The following C3orf52 variants were observed in gnomAD, a reference collection of about 807,000 sequenced individuals.
C3orf52 encodes chromosome 3 open reading frame 52.
A neutral mutation model predicts 24.8 loss-of-function variants in C3orf52; 22 were observed. The observed-to-expected ratio is 0.89, with a 90% CI of 0.63 to 1.27. C3orf52 has a LOEUF of 1.27. Among genes scored for constraint, C3orf52 ranks in the 50% most tolerant of loss-of-function variants. The pLI, the probability that C3orf52 is intolerant of heterozygous loss-of-function variation, is 0.00. For synonymous variants in C3orf52, 93 were observed against 100.2 expected, an observed-to-expected ratio of 0.93 and a Z score of 0.43; for missense variants, 265 against 260.7, an observed-to-expected ratio of 1.02 and a Z score of -0.11.
rs1458611446 is a variant in C3orf52, at chr3:112,102,976, C to G, written c.396+11C>G. The G allele has an allele frequency of 4.3e-6, 7 of 1,610,862 alleles. No homozygotes were observed. Among genetic ancestry groups the G allele is most frequent in the Non-Finnish European group, 5.9e-6 (7 of 1,178,386 alleles). On this transcript the variant is annotated intron_variant, in intron 3 of 5. Coordinates refer to ENST00000264848, the MANE Select transcript of C3orf52 (RefSeq NM_024616.3). ...CTGCTCACCGAAAGGGTAATTCCAT[C>G]TTATATATTGCCTAAGGAGTTCTTG...
intron 2 of C3orf52, among the ~76,000 whole-genome samples, chr3:112,102,331 C>G (rs1292454624): frequency 2.6e-5 from 4 of 152,128 alleles, no homozygotes; most frequent in Non-Finnish European, 5.9e-5. Flanking sequence ...ACTCGTCAAC[C>G]CTCTGGGTCT....
chr3:112,108,851 A>G (rs2074051582), intron 3 of C3orf52, among the ~76,000 whole-genome samples: 1 of 152,190 alleles, frequency 6.6e-6, no homozygotes, highest in African/African-American at 2.4e-5. Context: ...AATGATGGTT[A>G]GTATTAAGAA....
intron 1 of C3orf52, among the ~76,000 whole-genome samples, chr3:112,091,199 A>G (rs1202734165): frequency 6.6e-6 from 1 of 152,202 alleles, no homozygotes; most frequent in African/African-American, 2.4e-5. Context: ...AATTTCTGGG[A>G]GGCCTCTACA....
Position 112,103,080 on chromosome 3 carries a change from G to T in C3orf52, c.396+115G>T, listed in dbSNP as rs934687059. On this transcript the variant is annotated intron_variant, in intron 3 of 5. Transcript: ENST00000264848. The stretch of plus-strand genomic sequence containing the variant: ...AGCTTCAATTTTGGATTCTTTGTCT[G>T]GATTTTAGCAGAAAATGATGCTTAT... 3.4e-6 allele frequency: 3 copies of T among 887,230 alleles called. No individual in the cohort carries two copies. The African/African-American group carries it at 5.2e-5, about 15-fold the overall frequency. 55.0% of individuals were successfully genotyped at this position (887,230 alleles called of 1,614,324 possible).
At chr3:112,095,668 C>G (rs532466571) in intron 2 of C3orf52, among the ~76,000 whole-genome samples, 1 of 152,150 alleles carries the variant, frequency 6.6e-6, no homozygotes, top group South Asian at 2.1e-4. Flanking sequence ...TCGAACATGT[C>G]AATGCTGTAA....
downstream of C3orf52, chr3:112,130,576 A>G (rs2074429741): frequency 6.8e-7 from 1 of 1,465,078 alleles, no homozygotes; most frequent in Non-Finnish European, 9.6e-7. Flanking sequence ...ACTTCTTTTC[A>G]TAATTTTTCC....
At chr3:112,101,411 G>C (rs1326990092) in intron 2 of C3orf52, among the ~76,000 whole-genome samples, 1 of 152,158 alleles carries the variant, frequency 6.6e-6, no homozygotes, top group Admixed American at 6.5e-5. Flanking sequence ...TCAGTACCCG[G>C]GGTTTTCACT....
chr3:112,104,009 G>T (rs1283079896), intron 3 of C3orf52, among the ~76,000 whole-genome samples: 1 of 152,172 alleles, frequency 6.6e-6, no homozygotes, highest in Non-Finnish European at 1.5e-5. Context: ...TCAGTTAGAA[G>T]GTGTTACAAT....
At chr3:112,086,714 T>C (rs1446781451) in intron 1 of C3orf52, among the ~76,000 whole-genome samples, 169 bp downstream of exon 1, 1 of 152,102 alleles carries the variant, frequency 6.6e-6, no homozygotes, top group Non-Finnish European at 1.5e-5. Context: ...CCGCGACACC[T>C]TTCGGCCCGA....
downstream of C3orf52, among the ~76,000 whole-genome samples, chr3:112,118,873 C>A (rs139213804): frequency 1.3e-5 from 2 of 152,316 alleles, no homozygotes; most frequent in African/African-American, 4.8e-5. Context: ...TGCTCCTGTT[C>A]CTCTGCCAAC....
chr3:112,125,212 G>T (rs1268831654), intron 4 of C3orf52: 2 of 1,533,468 alleles, frequency 1.3e-6, no homozygotes, highest in Non-Finnish European at 9.0e-7. Flanking sequence ...ATAGCTTAGA[G>T]ATGTTCTTAT....
chr3:112,128,358 C>T (rs761224406), exon 5 of C3orf52: 13 of 539,684 alleles, frequency 2.4e-5, no homozygotes, highest in Non-Finnish European at 3.7e-5. Context: ...ATGAAGAACA[C>T]GTAAGTGTTA....
At chr3:112,090,432 C>A (rs564091879) in intron 1 of C3orf52, among the ~76,000 whole-genome samples, 5 of 151,970 alleles carry the variant, frequency 3.3e-5, no homozygotes, top group African/African-American at 1.2e-4. Context: ...GTATCTGGGA[C>A]CACAGGTGTA....
At chr3:112,100,848 A>G (rs925395873) in intron 2 of C3orf52, among the ~76,000 whole-genome samples, 1 of 152,224 alleles carries the variant, frequency 6.6e-6, no homozygotes. Flanking sequence ...GGCTTTTGAT[A>G]TGTTTACAAC....
At chr3:112,114,194 A>G (rs2074113163) in intron 5 of C3orf52, among the ~76,000 whole-genome samples, 1 of 152,166 alleles carries the variant, frequency 6.6e-6, no homozygotes, top group Non-Finnish European at 1.5e-5. Context: ...TTTCTTGAGG[A>G]TGAGAGGCAA....
chr3:112,124,778 CA>C (rs895360543), intron 4 of C3orf52, among the ~76,000 whole-genome samples: 4 of 152,240 alleles, frequency 2.6e-5, no homozygotes, highest in African/African-American at 9.6e-5. Context: ...CAGCAAAGTA[CA>C]GGGGGAAAAG....
At chr3:112,087,935 A>T (rs1343977479) in intron 1 of C3orf52, among the ~76,000 whole-genome samples, 1 of 152,238 alleles carries the variant, frequency 6.6e-6, no homozygotes, top group Non-Finnish European at 1.5e-5. Flanking sequence ...ATGTGTGCCT[A>T]CTCGGCCTTC....
chr3:112,131,326 A>G (rs1366731457), downstream of C3orf52, among the ~76,000 whole-genome samples: 2 of 152,078 alleles, frequency 1.3e-5, no homozygotes, highest in Non-Finnish European at 2.9e-5. Context: ...GTGCCATTCT[A>G]TTCTGTGCAA....
chr3:112,086,658 G>A (rs1326222648), intron 1 of C3orf52, 113 bp downstream of exon 1: 34 of 1,352,782 alleles, frequency 2.5e-5, no homozygotes, highest in Non-Finnish European at 3.3e-5. Flanking sequence ...CGACGGCGCC[G>A]AGCGAGGGTG....
Sources: allele counts gnomAD v4.1 joint callset (sites outside exome capture counted in the v4.1 genomes callset), GRCh38; gene constraint gnomAD v4.1.1; transcripts MANE v1.5; gene names NCBI Gene and HGNC (gene_info 2026-07-23, HGNC 2026-07-21).